TIE1: variants seen among roughly 807,000 people sequenced by gnomAD.
TIE1 encodes the protein tyrosine-protein kinase receptor Tie-1.
In TIE1, 89 loss-of-function variants were observed where a neutral mutation model predicts 130.5. That is an observed-to-expected ratio of 0.68 (90% CI 0.57 to 0.81). TIE1 has a LOEUF of 0.81. Ranked by LOEUF, TIE1 falls within the 40% of genes least tolerant of loss-of-function variation. TIE1 has a pLI of 0.00. For synonymous variants in TIE1, 568 were observed against 629.4 expected, an observed-to-expected ratio of 0.90 and a Z score of 1.46; for missense variants, 1,392 against 1,559.8, an observed-to-expected ratio of 0.89 and a Z score of 1.81.
chr1:43,309,717 A>C lies in TIE1; in HGVS notation c.1333+185A>C, dbSNP rs2153911359. Among the ~76,000 whole-genome samples, 1 of 152,250 alleles carries C rather than the reference A, an allele frequency of 6.6e-6. No individual in the cohort carries two copies. The highest frequency in any genetic ancestry group is 1.9e-4 in the East Asian group (1 of 5,176). Reference sequence around the variant, plus strand: ...CTGGGCAGTGTCAAGGCTGGAGTACAGCTTAGACCCATCTGGAAAGGACAT... The same window carrying C: ...CTGGGCAGTGTCAAGGCTGGAGTACCGCTTAGACCCATCTGGAAAGGACAT... On this transcript the variant is annotated intron_variant, in intron 9 of 22. Transcript: ENST00000372476. This position sits in a 1 kb window ranked among gnomAD's most constrained non-coding sequence, Gnocchi z 6.3.
In TIE1 at chr1:43,309,806, C is replaced by A. The variant is rs6694318; in HGVS notation, c.1333+274C>A. 6.6e-6 allele frequency among the ~76,000 whole-genome samples: 1 copy of A among 151,818 alleles called. No individual in the cohort carries two copies. Among genetic ancestry groups the A allele is most frequent in the East Asian group, 1.9e-4 (1 of 5,160 alleles). ...CCTTCCTCCTGCCCAGCCATGCTGT[C>A]CCCCACCAACCGTCACACACAGACA... On this transcript the variant is annotated intron_variant, in intron 9 of 22. Coordinates refer to ENST00000372476, the MANE Select transcript of TIE1 (RefSeq NM_005424.5). This position sits in a 1 kb window ranked among gnomAD's most constrained non-coding sequence, Gnocchi z 6.3.
Position 43,308,677 on chromosome 1 carries a change from G to A in TIE1, c.1043-309G>A, listed in dbSNP as rs146919318. On this transcript the variant is annotated intron_variant, in intron 7 of 22. Transcript: ENST00000372476. Reference sequence around the variant, plus strand: ...CGGGGAGCGGGAGCAGGAGACCCTCGAGGACTCTGTACCTAGGGACCAGAA... The same window carrying A: ...CGGGGAGCGGGAGCAGGAGACCCTCAAGGACTCTGTACCTAGGGACCAGAA... Among the ~76,000 whole-genome samples, 1,048 of 152,234 alleles carry A rather than the reference G, an allele frequency of 6.9e-3. 12 individuals are homozygous for A. Among genetic ancestry groups the A allele is most frequent in the African/African-American group, 0.024 (1,010 of 41,522 alleles).
At position 43,305,354 on chromosome 1, in the gene TIE1, G is replaced by T. The variant is rs1646718510; in HGVS notation, c.484+11G>T. On this transcript the variant is annotated intron_variant, in intron 3 of 22. Coordinates refer to ENST00000372476, the MANE Select transcript of TIE1 (RefSeq NM_005424.5). ...TCTGGAAGAGCAACGGTAAAGAGGG[G>T]CATTTGAACTGGTGGGGAGGGTAGA... 1.3e-6 allele frequency: 2 copies of T among 1,538,266 alleles called. No homozygotes were observed. The highest frequency in any genetic ancestry group is 1.9e-5 in the Admixed American group (1 of 53,146).
chr1:43,312,515 C>G lies in TIE1; in HGVS notation c.1841C>G (p.Thr614Ser). 1 of 1,613,380 alleles carries G rather than the reference C, an allele frequency of 6.2e-7. No homozygotes were observed. The part of the protein sequence containing the change: ...TALLTGLTPG[T>S]HYQLDVQLYH... ...CTCCTGACGGGACTCACGCCTGGCA[C>G]CCACTACCAGCTGGATGTGCAGCTC... The change falls in exon 12 of 23, where the codon ACC (threonine) becomes AGC (serine). Residue 614 changes from threonine (T) to serine (S), a missense_variant. By Grantham distance (58) the Thr-to-Ser change is moderately conservative. Coordinates refer to ENST00000372476, the MANE Select transcript of TIE1 (RefSeq NM_005424.5). This position sits in a 1 kb window ranked among gnomAD's most constrained non-coding sequence, Gnocchi z 5.6.
In TIE1 at chr1:43,316,504, G is replaced by A. The variant is rs1191683155; in HGVS notation, c.2410-695G>A. On this transcript the variant is annotated intron_variant, in intron 14 of 22. Transcript: ENST00000372476. This position sits in a 1 kb window ranked among gnomAD's most constrained non-coding sequence, Gnocchi z 4.4. ...TCCCACCATCAGCCCCACCCAGATGGCCTCCTCCTACTGAGTTAGGAAATT... is the reference window on the plus strand; with the variant it reads ...TCCCACCATCAGCCCCACCCAGATGACCTCCTCCTACTGAGTTAGGAAATT... 6.6e-6 allele frequency among the ~76,000 whole-genome samples: 1 copy of A among 152,146 alleles called. No individual in the cohort carries two copies. The highest frequency in any genetic ancestry group is 1.5e-5 in the Non-Finnish European group (1 of 68,024).
chr1:43,314,055 G>T (rs1646834777), intron 14 of TIE1, 87 bp downstream of exon 14: 2 of 596,146 alleles, frequency 3.4e-6, no homozygotes, highest in Middle Eastern at 6.4e-4. Flanking sequence ...TGTACACCTT[G>T]TGTGTGTGTG....
Position 43,307,544 on chromosome 1 carries a change from T to G in TIE1, c.885T>G (p.Ser295=). ...ACCCCTATGGCTGCTCTTGTGGATC[T>G]GGCTGGAGAGGAAGCCAGTGCCAAG... ...LPDPYGCSCG[S]GWRGSQCQEA... is the part of the protein sequence containing the mutation. The change falls in exon 6 of 23, where the codon TCT becomes TCG. Residue 295 remains serine, a synonymous_variant. Coordinates refer to ENST00000372476, the MANE Select transcript of TIE1 (RefSeq NM_005424.5). The surrounding 1 kb of genome is among the most constrained non-coding windows in gnomAD (Gnocchi z 5.4). The G allele has an allele frequency of 1.2e-6, 2 of 1,614,172 alleles. No individual in the cohort carries two copies. The highest frequency in any genetic ancestry group is 1.7e-6 in the Non-Finnish European group (2 of 1,180,022).
In TIE1 at chr1:43,313,404, G is replaced by C; in HGVS notation, c.2197G>C (p.Glu733Gln). 1 of 1,613,926 alleles carries C rather than the reference G, an allele frequency of 6.2e-7. No individual in the cohort carries two copies. Among genetic ancestry groups the C allele is most frequent in the Non-Finnish European group, 8.5e-7 (1 of 1,179,932 alleles). ...QGLGDWSNTV[E>Q]ESTLGNGLQA... is the part of the protein sequence containing the mutation. ...GCTCGGGGACTGGAGCAACACAGTA[G>C]AAGAGTCCACCCTGGGCAACGGTGA... Residue 733 changes from glutamate to glutamine, a missense_variant, in exon 13 of 23, where the codon GAA (glutamate) becomes CAA (glutamine). Around this residue, in one of 6 missense-constraint regions of TIE1, gnomAD observed 551 missense variants for 565.5 expected, o/e 0.97. Coordinates refer to ENST00000372476, the MANE Select transcript of TIE1 (RefSeq NM_005424.5). The surrounding 1 kb of genome is among the most constrained non-coding windows in gnomAD (Gnocchi z 6.2).
intron 7 of TIE1, chr1:43,308,779 A>C: frequency 1.4e-6 from 1 of 691,334 alleles, no homozygotes; most frequent in Non-Finnish European, 2.6e-6. Flanking sequence ...GGTATCGGGA[A>C]GTGGGGAGGT....
At chr1:43,321,044 A>AC (rs373792493) in intron 19 of TIE1, among the ~76,000 whole-genome samples, 139 of 147,384 alleles carry the variant, frequency 9.4e-4, no homozygotes, top group Non-Finnish European at 1.4e-3. Context: ...AAAAAAAAAA[A>AC]AAAAAAAAAA....
rs767788553 is a variant in TIE1 at position 43,307,027 on chromosome 1, G to T, written c.640+32G>T. ...GGCAGAGGGCAGAGGTTGTGGGTAG[G>T]GTGGGAGGCTGGGAGCCCTATGGGT... On this transcript the variant is annotated intron_variant, in intron 4 of 22. Coordinates refer to ENST00000372476, the MANE Select transcript of TIE1 (RefSeq NM_005424.5). The surrounding 1 kb of genome is among the most constrained non-coding windows in gnomAD (Gnocchi z 5.4). The T allele has an allele frequency of 1.9e-6, 3 of 1,613,544 alleles. No homozygotes were observed. Among genetic ancestry groups the T allele is most frequent in the Admixed American group, 3.3e-5 (2 of 60,012 alleles).
Position 43,309,361 on chromosome 1 carries a change from C to T in TIE1, c.1189-27C>T. The T allele has an allele frequency of 6.4e-7, 1 of 1,564,790 alleles. No individual in the cohort carries two copies. Among genetic ancestry groups the T allele is most frequent in the Non-Finnish European group, 8.6e-7 (1 of 1,158,270 alleles). On this transcript the variant is annotated intron_variant, in intron 8 of 22. Coordinates refer to ENST00000372476, the MANE Select transcript of TIE1 (RefSeq NM_005424.5). The surrounding 1 kb of genome is among the most constrained non-coding windows in gnomAD (Gnocchi z 6.3). ...CCACAGAGGTGCCCGTTCCCTGTGA[C>T]CTGTCCCCTTCCCCCATCTCTTTTA...
At chr1:43,314,485 T>C in intron 14 of TIE1, 1 of 1,018,948 alleles carries the variant, frequency 9.8e-7, no homozygotes, top group South Asian at 3.8e-5. Flanking sequence ...TGCTGTGAGC[T>C]CCTCATCCTA....
At position 43,321,458 on chromosome 1, in the gene TIE1, C is replaced by A; in HGVS notation, c.3211C>A (p.Arg1071Ser). The part of the protein sequence containing the change: ...ELYEKLPQGY[R>S]MEQPRNCDDE... ...CTATGAAAAGCTGCCCCAGGGCTACCGCATGGAGCAGCCTCGAAACTGTGA... is the reference window on the plus strand; with the variant it reads ...CTATGAAAAGCTGCCCCAGGGCTACAGCATGGAGCAGCCTCGAAACTGTGA... Residue 1071 changes from arginine to serine, a missense_variant, in exon 21 of 23, where the codon CGC becomes AGC. Arg to Ser is a moderately radical substitution (Grantham distance 110). Around this residue, in one of 6 missense-constraint regions of TIE1, gnomAD observed 104 missense variants for 129.3 expected, o/e 0.80. Coordinates refer to ENST00000372476, the MANE Select transcript of TIE1 (RefSeq NM_005424.5). The A allele has an allele frequency of 6.2e-7, 1 of 1,613,928 alleles. No homozygotes were observed. Among genetic ancestry groups the A allele is most frequent in the Non-Finnish European group, 8.5e-7 (1 of 1,179,920 alleles).
chr1:43,315,928 G>A lies in TIE1; in HGVS notation c.2410-1271G>A, dbSNP rs1339481701. Among the ~76,000 whole-genome samples the A allele has an allele frequency of 6.6e-6, 1 of 151,912 alleles. No individual in the cohort carries two copies. Among genetic ancestry groups the A allele is most frequent in the African/African-American group, 2.4e-5 (1 of 41,342 alleles). On this transcript the variant is annotated intron_variant, in intron 14 of 22. Coordinates refer to ENST00000372476, the MANE Select transcript of TIE1 (RefSeq NM_005424.5). The surrounding 1 kb of genome is among the most constrained non-coding windows in gnomAD (Gnocchi z 4.4). ...ATGAAAATTAGATGGGCGTGGAGGT[G>A]TGCACCTGTGGTCCCAACTACTCGG... is the stretch of plus-strand genomic sequence containing the variant.
chr1:43,317,330 G>A lies in TIE1; in HGVS notation c.2541G>A (p.Glu847=), dbSNP rs150108531. The change falls in exon 15 of 23, where the codon GAG becomes GAA. Residue 847 remains glutamate, a synonymous_variant. Transcript: ENST00000372476. This position sits in a 1 kb window ranked among gnomAD's most constrained non-coding sequence, Gnocchi z 5.1. ...TCACCTTTGAGGACCTCATCGGGGA[G>A]GGGAACTTCGGCCAGGTCATCCGGG... is the stretch of plus-strand genomic sequence containing the variant. ...EDITFEDLIG[E]GNFGQVIRAM... is the part of the protein sequence containing the mutation. 8 of 1,614,028 alleles carry A rather than the reference G, an allele frequency of 5.0e-6. No individual in the cohort carries two copies. Among genetic ancestry groups the A allele is most frequent in the Non-Finnish European group, 6.8e-6 (8 of 1,180,036 alleles).
chr1:43,311,000 G>T (rs918030405), intron 9 of TIE1, among the ~76,000 whole-genome samples: 8 of 152,152 alleles, frequency 5.3e-5, no homozygotes, highest in African/African-American at 1.7e-4. Context: ...GAGAGAAAAA[G>T]TTGAGGCCAG....
chr1:43,313,009 G>T lies in TIE1; in HGVS notation c.1928-126G>T. On this transcript the variant is annotated intron_variant, in intron 12 of 22. Coordinates refer to ENST00000372476, the MANE Select transcript of TIE1 (RefSeq NM_005424.5). The surrounding 1 kb of genome is among the most constrained non-coding windows in gnomAD (Gnocchi z 6.2). Reference sequence around the variant, plus strand: ...AATTCAGTCTGGTGGGGAGGAGGAAGTTGGCAGGGTGGCCCCTGTGCTTGG... The same window carrying T: ...AATTCAGTCTGGTGGGGAGGAGGAATTTGGCAGGGTGGCCCCTGTGCTTGG... The T allele has an allele frequency of 8.9e-7, 1 of 1,127,346 alleles. No individual in the cohort carries two copies. The highest frequency in any genetic ancestry group is 1.3e-6 in the Non-Finnish European group (1 of 794,314). The allele number at this position is 1,127,346 out of a possible 1,614,324, so 69.8% of individuals were successfully genotyped here. A position where few individuals can be genotyped will look rare whatever the true frequency, so the allele number is the denominator to read the frequency against.
At position 43,312,087 on chromosome 1, in the gene TIE1, AG is replaced by A; in HGVS notation, c.1591del (p.Ala531ProfsTer8). 1.3e-6 allele frequency: 2 copies of A among 1,596,686 alleles called. No homozygotes were observed. The highest frequency in any genetic ancestry group is 2.2e-5 in the East Asian group (1 of 44,576). The stretch of plus-strand genomic sequence containing the variant: ...CTGAGCCGGCCAGGGGAAGGAGGAG[AG>A]GGGGCCTGGGGGCCTCCCACCCTCA... ...VQLSRPGEGG[E>X]GAWGPPTLMT... On this transcript the variant is annotated frameshift_variant, in exon 11 of 23. Coordinates refer to ENST00000372476, the MANE Select transcript of TIE1 (RefSeq NM_005424.5). LOFTEE classifies it high-confidence loss of function. This position sits in a 1 kb window ranked among gnomAD's most constrained non-coding sequence, Gnocchi z 5.6.
Sources: allele counts gnomAD v4.1 joint callset (sites outside exome capture counted in the v4.1 genomes callset), GRCh38; gene constraint gnomAD v4.1.1; regional missense constraint gnomAD v4.1.1; non-coding constraint Gnocchi (gnomAD v3.1); transcripts MANE v1.5; gene names NCBI Gene and HGNC (gene_info 2026-07-23, HGNC 2026-07-21).